The following EFCAB5 variants were observed in gnomAD, a reference collection of about 807,000 sequenced individuals.
EFCAB5 encodes the protein EF-hand calcium binding domain 5.
EFCAB5 carries 131 observed loss-of-function variants against 167.9 expected under a neutral mutation model. The observed-to-expected ratio is 0.78, with a 90% CI of 0.68 to 0.90. EFCAB5 has a LOEUF of 0.90. EFCAB5 is among the 40% of genes least tolerant of loss of function. The probability of loss-of-function intolerance (pLI) is 0.00; values close to 1 mark genes in which losing one functional copy is unlikely to be tolerated. For missense variants in EFCAB5, 1,663 were observed against 1,745.2 expected (o/e 0.95, Z 0.84); for synonymous variants, 574 against 602.8 (o/e 0.95, Z 0.70).
intron 3 of EFCAB5, among the ~76,000 whole-genome samples, chr17:29,960,033 G>T (rs1169999978): frequency 6.6e-6 from 1 of 152,118 alleles, no homozygotes; most frequent in African/African-American, 2.4e-5. Context: ...TTCCCCTCTG[G>T]CCAGGGCTGG....
intron 14 of EFCAB5, among the ~76,000 whole-genome samples, chr17:30,065,025 G>A (rs2070524856): frequency 6.6e-6 from 1 of 152,184 alleles, no homozygotes; most frequent in Admixed American, 6.5e-5. Flanking sequence ...AAACTTGAGG[G>A]AAATTATCAC....
At chr17:29,940,249 G>A (rs574611349), upstream of EFCAB5, among the ~76,000 whole-genome samples, 1 of 152,058 alleles carries the variant, frequency 6.6e-6, no homozygotes, top group Non-Finnish European at 1.5e-5. Flanking sequence ...CTACTTTTTT[G>A]TATTTTTAGT....
intron 7 of EFCAB5, among the ~76,000 whole-genome samples, chr17:30,033,269 G>C (rs1224910898): frequency 6.6e-6 from 1 of 152,034 alleles, no homozygotes; most frequent in African/African-American, 2.4e-5. Flanking sequence ...TAGTAGAGAT[G>C]GGGTTTCACC....
In EFCAB5 at chr17:30,056,210, A is replaced by G. The variant is rs556213150; in HGVS notation, c.2365+54A>G. 4.1e-6 allele frequency: 6 copies of G among 1,474,986 alleles called. No homozygotes were observed. The South Asian group carries it at 7.3e-5, about 18-fold the overall frequency. 91.4% of individuals were successfully genotyped at this position (1,474,986 alleles called of 1,614,324 possible). A position where few individuals can be genotyped will look rare whatever the true frequency, so the allele number is the denominator to read the frequency against. On this transcript the variant is annotated intron_variant, in intron 12 of 22. Transcript: ENST00000394835. ...GATGGCAGTCCAATAGATGGATTTA[A>G]TTTACTGTGGTACTCGATGATAAAG...
intron 19 of EFCAB5, 125 bp downstream of exon 19, chr17:30,087,291 A>G (rs755792551): frequency 1.4e-6 from 1 of 693,540 alleles, no homozygotes; most frequent in African/African-American, 1.8e-5. Flanking sequence ...TTTTTAATTT[A>G]ATTTTATTTT....
At chr17:29,954,068 C>A (rs1240016095) in intron 3 of EFCAB5, among the ~76,000 whole-genome samples, 1 of 152,028 alleles carries the variant, frequency 6.6e-6, no homozygotes, top group African/African-American at 2.4e-5. Context: ...GTGAAGGGTT[C>A]AAGAGGAAGC....
chr17:29,937,802 C>T (rs185097736), upstream of EFCAB5, among the ~76,000 whole-genome samples: 1 of 152,302 alleles, frequency 6.6e-6, no homozygotes, highest in East Asian at 1.9e-4. Flanking sequence ...GTTAAGACTC[C>T]ATCTGGCCAC....
rs759007679 is a variant in EFCAB5, at chr17:30,059,614, G to T, written c.2650G>T (p.Asp884Tyr). The change falls in exon 14 of 23, where the codon GAT (aspartate) becomes TAT (tyrosine). Residue 884 changes from aspartate (D) to tyrosine (Y), a missense_variant. Physicochemically the swap from Asp to Tyr is radical, Grantham distance 160. Transcript: ENST00000394835. Reference protein sequence around the residue: ...LEAIFQKWDSDGSGFLDLKEV... With the variant: ...LEAIFQKWDSYGSGFLDLKEV... The stretch of plus-strand genomic sequence containing the variant: ...AGCCATCTTTCAGAAGTGGGACAGT[G>T]ATGGCTCAGGCTTCCTGGATCTGAA... 1 of 1,612,070 alleles carries T rather than the reference G, an allele frequency of 6.2e-7. No individual in the cohort carries two copies.
At chr17:29,969,893 G>T (rs1265302645) in intron 4 of EFCAB5, among the ~76,000 whole-genome samples, 2 of 151,992 alleles carry the variant, frequency 1.3e-5, no homozygotes, top group Admixed American at 1.3e-4. Flanking sequence ...TTACACAAAA[G>T]CATGTGATAC....
chr17:29,969,397 T>A (rs1391170305), intron 4 of EFCAB5, 30 bp downstream of exon 4: 2 of 1,505,196 alleles, frequency 1.3e-6, no homozygotes, highest in Non-Finnish European at 1.8e-6. Flanking sequence ...CAGTTCATGA[T>A]CTGTCTCCTT....
intron 3 of EFCAB5, among the ~76,000 whole-genome samples, chr17:29,955,105 G>T (rs1357938999): frequency 6.6e-6 from 1 of 152,174 alleles, no homozygotes; most frequent in African/African-American, 2.4e-5. Context: ...GAAGGGACTT[G>T]CCTTGTCTCA....
intron 18 of EFCAB5, among the ~76,000 whole-genome samples, chr17:30,085,582 G>A (rs1403010306): frequency 1.3e-5 from 2 of 151,992 alleles, no homozygotes; most frequent in Admixed American, 6.6e-5. Flanking sequence ...TTAGCCGGGC[G>A]CGGTGGCGGG....
intron 7 of EFCAB5, among the ~76,000 whole-genome samples, chr17:30,018,264 T>C (rs1419550769): frequency 1.3e-5 from 2 of 152,128 alleles, no homozygotes; most frequent in Non-Finnish European, 2.9e-5. Flanking sequence ...TTGTTCTATG[T>C]TCTGTTATTA....
chr17:29,987,902 A>C (rs908896882), intron 4 of EFCAB5, among the ~76,000 whole-genome samples: 1 of 152,208 alleles, frequency 6.6e-6, no homozygotes, highest in African/African-American at 2.4e-5. Context: ...AGGTGTCCAC[A>C]CATACATGTA....
rs771218993 is a variant in EFCAB5, at chr17:30,053,305, A to G, written c.1351A>G (p.Met451Val). The stretch of plus-strand genomic sequence containing the variant: ...AAACTTGACTGAGTTGTGGGGAGAC[A>G]TGGATAATCAGAAACACATTTATGA... The part of the protein sequence containing the change: ...EINLTELWGD[M>V]DNQKHIYEGF... Residue 451 changes from methionine to valine, a missense_variant, in exon 10 of 23, where the codon ATG (methionine) becomes GTG (valine). By Grantham distance (21) the Met-to-Val change is conservative (BLOSUM62 1). Coordinates refer to ENST00000394835, the MANE Select transcript of EFCAB5 (RefSeq NM_198529.4). 3.7e-6 allele frequency: 6 copies of G among 1,613,378 alleles called. No homozygotes were observed. The highest frequency in any genetic ancestry group is 5.1e-6 in the Non-Finnish European group (6 of 1,179,488).
intron 7 of EFCAB5, among the ~76,000 whole-genome samples, chr17:30,001,499 G>C (rs779030088): frequency 6.6e-6 from 1 of 152,226 alleles, no homozygotes; most frequent in African/African-American, 2.4e-5. Flanking sequence ...ATAAAAGTAG[G>C]CCTGATGTGG....
intron 7 of EFCAB5, among the ~76,000 whole-genome samples, chr17:30,033,473 C>A (rs1287317991): frequency 6.6e-6 from 1 of 152,174 alleles, no homozygotes; most frequent in East Asian, 1.9e-4. Flanking sequence ...AAAGTGTAGA[C>A]CAAGAATGTA....
At chr17:29,941,943 C>T in intron 1 of EFCAB5, 105 bp downstream of exon 1, 1 of 1,240,184 alleles carries the variant, frequency 8.1e-7, no homozygotes. Context: ...AATTATTTCT[C>T]TTTTTGGTTG....
intron 14 of EFCAB5, among the ~76,000 whole-genome samples, chr17:30,060,118 T>C (rs2096104306): frequency 6.6e-6 from 1 of 152,198 alleles, no homozygotes. Context: ...ATCTTAAATC[T>C]ATATAGTTAG....
Sources: allele counts gnomAD v4.1 joint callset (sites outside exome capture counted in the v4.1 genomes callset), GRCh38; gene constraint gnomAD v4.1.1; transcripts MANE v1.5; gene names NCBI Gene and HGNC (gene_info 2026-07-23, HGNC 2026-07-21).